The following DST variants were observed in gnomAD, a reference collection of about 807,000 sequenced individuals.
The protein encoded by DST is bullous pemphigoid antigen.
DST carries 253 observed loss-of-function variants against 875.2 expected under a neutral mutation model. That is an observed-to-expected ratio of 0.29 (90% CI 0.26 to 0.32). DST has a LOEUF of 0.32. Among genes scored for constraint, DST ranks in the 10% least tolerant of loss-of-function variants. The pLI is 1.00. For missense variants in DST, 8,287 were observed against 9,111.6 expected (o/e 0.91, Z 3.68); for synonymous variants, 3,124 against 3,197.1 (o/e 0.98, Z 0.77).
intron 1 of DST, 61 bp from the exon 2 acceptor site, chr6:56,953,880 A>T: frequency 2.5e-6 from 3 of 1,219,364 alleles, no homozygotes; most frequent in Non-Finnish European, 3.3e-6. Flanking sequence ...CTACCGAGTG[A>T]CTCATGACTT....
Position 56,646,350 on chromosome 6 carries a change from G to A in DST, c.1555-168C>T, listed in dbSNP as rs147121267. Among the ~76,000 whole-genome samples the A allele has an allele frequency of 5.9e-3, 893 of 152,262 alleles. 4 individuals are homozygous for A. The highest frequency in any genetic ancestry group is 0.02 in the African/African-American group (852 of 41,562). ...TACCAATTTCCAGCCAGCTGGTGAC[G>A]TGGGTTATCTAAAATTTGATGAGGG... is the stretch of plus-strand genomic sequence containing the variant. On this transcript the variant is annotated intron_variant, in intron 13 of 103. Coordinates refer to ENST00000680361, the MANE Select transcript of DST (RefSeq NM_001374736.1).
In DST at chr6:56,608,868, A is replaced by G. The variant is rs2098520411; in HGVS notation, c.5760T>C (p.Leu1920=). The change falls in exon 40 of 104, where the codon CTT becomes CTC. Residue 1920 remains leucine (L), a synonymous_variant. Transcript: ENST00000680361. ...VLERQNMCKD[L]IDPCTSEKVS... ...CCTTCTCAGAGGTGCAGGGGTCAAT[A>G]AGATCTTTGCACATATTTTGCCTTT... 1 of 1,613,448 alleles carries G rather than the reference A, an allele frequency of 6.2e-7. No individual in the cohort carries two copies.
intron 9 of DST, among the ~76,000 whole-genome samples, chr6:56,674,366 C>T (rs1023445332): frequency 3.3e-5 from 5 of 151,828 alleles, no homozygotes; most frequent in Admixed American, 2.0e-4. Context: ...GGCACCATCT[C>T]GGCTCACTGC....
At chr6:56,632,378 T>C (rs2098788573) in intron 28 of DST, among the ~76,000 whole-genome samples, 3 of 152,094 alleles carry the variant, frequency 2.0e-5, no homozygotes, top group Admixed American at 2.0e-4. Flanking sequence ...TAAAAGTAAA[T>C]ATTAGGTAAA....
At chr6:56,682,449 C>T (rs574292847) in intron 9 of DST, among the ~76,000 whole-genome samples, 169 of 152,276 alleles carry the variant, frequency 1.1e-3, no homozygotes, top group African/African-American at 4.0e-3. Flanking sequence ...CCCTCACACT[C>T]TTTCTTACAT....
At chr6:56,491,872 C>A (rs939595080) in intron 85 of DST, among the ~76,000 whole-genome samples, 2 of 152,114 alleles carry the variant, frequency 1.3e-5, no homozygotes, top group Non-Finnish European at 2.9e-5. Flanking sequence ...AGTATGATGT[C>A]TCACTCTGAT....
chr6:56,916,213 A>T (rs1257773496), intron 2 of DST, among the ~76,000 whole-genome samples: 2 of 152,196 alleles, frequency 1.3e-5, no homozygotes, highest in Non-Finnish European at 2.9e-5. Flanking sequence ...GAAGAGCCAT[A>T]GGACACTAGG....
chr6:56,489,707 C>A, intron 85 of DST, 98 bp from the exon 86 acceptor site: 4 of 1,121,924 alleles, frequency 3.6e-6, no homozygotes, highest in Non-Finnish European at 3.6e-6. Flanking sequence ...TGATGAAAAT[C>A]CTGAAAATTA....
In DST at chr6:56,492,263, T is replaced by C; in HGVS notation, c.20721A>G (p.Gly6907=). ...EKVVQRLVER[G]RSLDDARKRA... is the part of the protein sequence containing the mutation. ...TCTTCCTTGCATCATCCAAAGATCTTCCTCTCTCTACCAACCGTTGAACCA... is the reference window on the plus strand; with the variant it reads ...TCTTCCTTGCATCATCCAAAGATCTCCCTCTCTCTACCAACCGTTGAACCA... The change falls in exon 85 of 104, where the codon GGA becomes GGG. Residue 6907 remains glycine (G), a synonymous_variant. Coordinates refer to ENST00000680361, the MANE Select transcript of DST (RefSeq NM_001374736.1). 1 of 1,613,870 alleles carries C rather than the reference T, an allele frequency of 6.2e-7. No homozygotes were observed. The highest frequency in any genetic ancestry group is 8.5e-7 in the Non-Finnish European group (1 of 1,179,800).
intron 4 of DST, among the ~76,000 whole-genome samples, chr6:56,803,703 A>T (rs2099749957): frequency 6.6e-6 from 1 of 152,236 alleles, no homozygotes; most frequent in Non-Finnish European, 1.5e-5. Flanking sequence ...CCAAGAGTTC[A>T]AATACTTTAA....
chr6:56,809,572 A>T (rs2099757337), intron 4 of DST, among the ~76,000 whole-genome samples: 1 of 152,206 alleles, frequency 6.6e-6, no homozygotes, highest in African/African-American at 2.4e-5. Context: ...GTTCTACCTG[A>T]AAGAAAAAAT....
intron 3 of DST, among the ~76,000 whole-genome samples, chr6:56,877,962 A>G (rs1165568433): frequency 6.6e-6 from 1 of 152,228 alleles, no homozygotes; most frequent in Non-Finnish European, 1.5e-5. Context: ...AACTCACATA[A>G]TACATCACCA....
intron 3 of DST, among the ~76,000 whole-genome samples, chr6:56,896,559 T>C (rs1791391567): frequency 6.6e-6 from 1 of 152,222 alleles, no homozygotes; most frequent in South Asian, 2.1e-4. Flanking sequence ...GTGGCTGTAC[T>C]AGTTTACATT....
intron 3 of DST, among the ~76,000 whole-genome samples, chr6:56,871,941 C>G (rs1562246049): frequency 6.6e-6 from 1 of 152,148 alleles, no homozygotes; most frequent in African/African-American, 2.4e-5. Context: ...GCTCCTCATG[C>G]TCGCTTAGAC....
chr6:56,527,615 G>A lies in DST; in HGVS notation c.17800C>T (p.Arg5934Trp), dbSNP rs759629888. 2.9e-5 allele frequency: 47 copies of A among 1,613,674 alleles called. No homozygotes were observed. The highest frequency in any genetic ancestry group is 1.6e-4 in the Middle Eastern group (1 of 6,084). Reference sequence around the variant, plus strand: ...AGCTCTTCGTGTGTGGAGTGCAGCCGCCTTGCAAGCTGCAGCGCCTGTTCC... The same window carrying A: ...AGCTCTTCGTGTGTGGAGTGCAGCCACCTTGCAAGCTGCAGCGCCTGTTCC... ...TLEQALQLAR[R>W]LHSTHEELCT... Residue 5934 changes from arginine to tryptophan, a missense_variant, in exon 68 of 104, where the codon CGG becomes TGG. By Grantham distance (101) the Arg-to-Trp change is moderately radical (BLOSUM62 -3). This residue lies in a region of DST where 777 missense variants were observed against 764.8 expected (regional missense o/e 1.02). Coordinates refer to ENST00000680361, the MANE Select transcript of DST (RefSeq NM_001374736.1).
intron 9 of DST, among the ~76,000 whole-genome samples, chr6:56,676,803 T>A (rs1191661504): frequency 2.0e-5 from 3 of 152,018 alleles, no homozygotes; most frequent in African/African-American, 7.2e-5. Context: ...TTGAATGATC[T>A]CACTTATATG....
At chr6:56,645,613 T>G (rs575229919) in intron 15 of DST, among the ~76,000 whole-genome samples, 21 of 152,298 alleles carry the variant, frequency 1.4e-4, no homozygotes, top group Admixed American at 6.5e-5. Flanking sequence ...TTGACTGGTT[T>G]TAAAACTGTA....
rs977274038 is a variant in DST at position 56,476,399 on chromosome 6, G to A, written c.21676-62C>T. 8 of 1,341,106 alleles carry A rather than the reference G, an allele frequency of 6.0e-6. No homozygotes were observed. In the African/African-American group the frequency reaches 1.2e-4, roughly 20 times the overall value. 83.1% of individuals were successfully genotyped at this position (1,341,106 alleles called of 1,614,324 possible). A position where few individuals can be genotyped will look rare whatever the true frequency, so the allele number is the denominator to read the frequency against. The stretch of plus-strand genomic sequence containing the variant: ...AACTTAGTAAAATAATTGCAGTGAT[G>A]TAAAATAAATAAATTTTAAATGAAA... On this transcript the variant is annotated intron_variant, in intron 91 of 103. Coordinates refer to ENST00000680361, the MANE Select transcript of DST (RefSeq NM_001374736.1).
rs1260566188 is a variant in DST, at chr6:56,648,678, G to A, written c.1446C>T (p.Val482=). 1.8e-5 allele frequency: 29 copies of A among 1,570,828 alleles called. No homozygotes were observed. The highest frequency in any genetic ancestry group is 2.1e-5 in the Non-Finnish European group (24 of 1,155,550). ...GEGIGANDVE[V]KWIEYQNMVN... ...CCATATTCTGGTATTCAATCCATTT[G>A]ACTTCAACATCCTAGAACAATCAAA... The change falls in exon 13 of 104, where the codon GTC becomes GTT. Residue 482 remains valine (V), a synonymous_variant. Transcript: ENST00000680361.
Sources: gnomAD v4.1 joint callset for allele counts (sites outside exome capture counted in the v4.1 genomes callset) on GRCh38, gnomAD v4.1.1 for gene constraint, gnomAD v4.1.1 regional missense constraint, MANE v1.5 for transcripts, NCBI Gene and HGNC (gene_info 2026-07-23, HGNC 2026-07-21) for gene names.